Variants in LAMA2 observed in about 807,000 individuals in gnomAD.
The protein encoded by LAMA2 is laminin subunit alpha-2.
LAMA2 carries 269 observed loss-of-function variants against 364.8 expected under a neutral mutation model. The observed-to-expected ratio is 0.74, with a 90% confidence interval of 0.67 to 0.82. LAMA2 has a LOEUF of 0.82. LAMA2 is among the 40% of genes least tolerant of loss of function. The pLI, the probability that LAMA2 is intolerant of heterozygous loss-of-function variation, is 0.00. For missense variants in LAMA2, 3,807 were observed against 3,873.2 expected (o/e 0.98, Z 0.45); for synonymous variants, 1,379 against 1,370.6 (o/e 1.01, Z -0.14).
At chr6:129,184,575 T>C (rs1781119716) in intron 10 of LAMA2, among the ~76,000 whole-genome samples, 2 of 151,950 alleles carry the variant, frequency 1.3e-5, no homozygotes, top group South Asian at 4.1e-4. Context: ...CTCTGGCCTG[T>C]CTTCAACAAG....
intron 33 of LAMA2, among the ~76,000 whole-genome samples, chr6:129,369,116 T>A (rs1310708318): frequency 6.6e-6 from 1 of 152,066 alleles, no homozygotes; most frequent in Non-Finnish European, 1.5e-5. Flanking sequence ...GAATCCTATC[T>A]AGAGGGAAGG....
chr6:129,425,331 T>C (rs1781272295), intron 40 of LAMA2, among the ~76,000 whole-genome samples: 1 of 152,222 alleles, frequency 6.6e-6, no homozygotes, highest in South Asian at 2.1e-4. Context: ...TTCCACAACT[T>C]AGATTTTAGC....
At chr6:128,926,260 T>A (rs987207373) in intron 1 of LAMA2, among the ~76,000 whole-genome samples, 1 of 151,364 alleles carries the variant, frequency 6.6e-6, no homozygotes, top group African/African-American at 2.4e-5. Context: ...TGACTTCTTT[T>A]AAAAAAAAAC....
chr6:129,225,060 G>T (rs1784151510), intron 12 of LAMA2, among the ~76,000 whole-genome samples: 1 of 152,086 alleles, frequency 6.6e-6, no homozygotes, highest in Non-Finnish European at 1.5e-5. Context: ...GTTTAGTATT[G>T]GGAGGGTGTA....
chr6:129,256,237 A>G (rs566775651), intron 14 of LAMA2, among the ~76,000 whole-genome samples: 1 of 152,246 alleles, frequency 6.6e-6, no homozygotes, highest in East Asian at 1.9e-4. Context: ...TGCTAATGGT[A>G]TTATGTTGGA....
intron 1 of LAMA2, among the ~76,000 whole-genome samples, chr6:128,944,516 G>A (rs1044624237): frequency 1.4e-4 from 22 of 152,106 alleles, no homozygotes; most frequent in East Asian, 1.2e-3. Context: ...TGATTAAGGC[G>A]GGATGCAGTG....
At chr6:129,142,158 A>G (rs1382156819) in intron 4 of LAMA2, among the ~76,000 whole-genome samples, 2 of 152,056 alleles carry the variant, frequency 1.3e-5, no homozygotes, top group Non-Finnish European at 1.5e-5. Context: ...TGTGACCAAA[A>G]AAGATTATAA....
In LAMA2 at chr6:129,339,673, C is replaced by T. The variant is rs11961763; in HGVS notation, c.4312-2670C>T. Among the ~76,000 whole-genome samples, 1,362 of 152,088 alleles carry T rather than the reference C, an allele frequency of 9.0e-3. 21 individuals carry two copies. Among genetic ancestry groups the T allele is most frequent in the African/African-American group, 0.031 (1,306 of 41,482 alleles). On this transcript the variant is annotated intron_variant, in intron 29 of 64. Coordinates refer to ENST00000421865, the MANE Select transcript of LAMA2 (RefSeq NM_000426.4). ...GTCGATAAAGGAGAATTCGAGTAGC[C>T]GCAGAAGTAGGAGAAACATCAACTG...
chr6:129,269,013 T>A (rs1787729797), intron 16 of LAMA2, among the ~76,000 whole-genome samples: 1 of 152,122 alleles, frequency 6.6e-6, no homozygotes, highest in Admixed American at 6.6e-5. Flanking sequence ...CTTGTTTATT[T>A]TTCATGGTTT....
Position 129,349,266 on chromosome 6 carries a change from C to A in LAMA2, c.4437-32C>A, listed in dbSNP as rs200307601. On this transcript the variant is annotated intron_variant, in intron 30 of 64. Transcript: ENST00000421865. ...TATTTTATAAAATAAATGGATTAAA[C>A]TTTTTTTGCAATCCTTTTCTTTCTG... The A allele has an allele frequency of 1.8e-3, 2,827 of 1,565,434 alleles. 3 individuals are homozygous for A. Among genetic ancestry groups the A allele is most frequent in the Non-Finnish European group, 2.1e-3 (2,406 of 1,136,200 alleles).
intron 1 of LAMA2, among the ~76,000 whole-genome samples, chr6:128,923,587 C>A (rs1407055135): frequency 4.6e-5 from 7 of 151,944 alleles, no homozygotes; most frequent in Non-Finnish European, 8.8e-5. Flanking sequence ...ATATTTAATA[C>A]AGAAAGGATG....
rs1784092436 is a variant in LAMA2, at chr6:129,476,889, G to A, written c.7451+1488G>A. On this transcript the variant is annotated intron_variant, in intron 53 of 64. Transcript: ENST00000421865. Reference sequence around the variant, plus strand: ...AAAGAAGTTCCAGAAAGGAGTGCGGGGGTGGAAACAGACAGACACCTGACA... The same window carrying A: ...AAAGAAGTTCCAGAAAGGAGTGCGGAGGTGGAAACAGACAGACACCTGACA... Among the ~76,000 whole-genome samples, 3 of 152,156 alleles carry A rather than the reference G, an allele frequency of 2.0e-5. No homozygotes were observed. The South Asian group carries it at 6.2e-4, about 32-fold the overall frequency.
At chr6:129,177,947 T>G in intron 10 of LAMA2, 81 bp downstream of exon 10, 1 of 1,374,976 alleles carries the variant, frequency 7.3e-7, no homozygotes, top group Non-Finnish European at 1.0e-6. Flanking sequence ...TTCCTTGGCA[T>G]TAAGCAATTT....
rs398123375 is a variant in LAMA2 at position 129,349,385 on chromosome 6, G to A, written c.4523+1G>A. The A allele has an allele frequency of 1.2e-6, 2 of 1,610,622 alleles. No homozygotes were observed. Among genetic ancestry groups the A allele is most frequent in the Non-Finnish European group, 1.7e-6 (2 of 1,177,156 alleles). On this transcript the variant is annotated splice_donor_variant, in intron 31 of 64. Transcript: ENST00000421865. LOFTEE classifies it high-confidence loss of function. The stretch of plus-strand genomic sequence containing the variant: ...GATATGAAGGCCAGTACTGTGAAAG[G>A]TACCAACAGCCATGAAACGTACAGA...
chr6:129,279,235 T>C (rs1788536904), intron 17 of LAMA2, among the ~76,000 whole-genome samples: 2 of 152,112 alleles, frequency 1.3e-5, no homozygotes, highest in South Asian at 4.1e-4. Flanking sequence ...CATTACCGTG[T>C]GTCAATCTTG....
intron 4 of LAMA2, among the ~76,000 whole-genome samples, chr6:129,128,464 G>A (rs1777248597): frequency 6.6e-6 from 1 of 152,086 alleles, no homozygotes; most frequent in Admixed American, 6.6e-5. Flanking sequence ...TGCTCATGAT[G>A]ATTTTGACTG....
intron 17 of LAMA2, among the ~76,000 whole-genome samples, chr6:129,271,941 A>T (rs932734883): frequency 6.6e-6 from 1 of 152,178 alleles, no homozygotes. Context: ...AGACTTTGAG[A>T]TAATTCTAAC....
intron 29 of LAMA2, among the ~76,000 whole-genome samples, chr6:129,329,696 C>A (rs1247898972): frequency 1.3e-5 from 2 of 152,142 alleles, no homozygotes; most frequent in Non-Finnish European, 2.9e-5. Context: ...TCCCTTCATT[C>A]CCCTGAGTCT....
In LAMA2 at chr6:129,456,472, G is replaced by A. The variant is rs1052116143; in HGVS notation, c.6845G>A (p.Gly2282Asp). ...DVDANAMLFV[G>D]GLTGKLKKAD... Reference sequence around the variant, plus strand: ...GATGCAAATGCAATGCTGTTTGTTGGTGGCCTGACTGGGAAATTAAAGGTA... The same window carrying A: ...GATGCAAATGCAATGCTGTTTGTTGATGGCCTGACTGGGAAATTAAAGGTA... Residue 2282 changes from glycine to aspartate, a missense_variant, in exon 48 of 65, where the codon GGT (glycine) becomes GAT (aspartate). This residue lies in a region of LAMA2 where 3,333 missense variants were observed against 3,345.7 expected (regional missense o/e 1.00). Coordinates refer to ENST00000421865, the MANE Select transcript of LAMA2 (RefSeq NM_000426.4). 6.2e-7 allele frequency: 1 copy of A among 1,613,352 alleles called. No homozygotes were observed. Among genetic ancestry groups the A allele is most frequent in the African/African-American group, 1.3e-5 (1 of 74,850 alleles).
Sources: gnomAD v4.1 joint callset for allele counts (sites outside exome capture counted in the v4.1 genomes callset) on GRCh38, gnomAD v4.1.1 for gene constraint, gnomAD v4.1.1 regional missense constraint, MANE v1.5 for transcripts, NCBI Gene and HGNC (gene_info 2026-07-23, HGNC 2026-07-21) for gene names.